The following SEPTIN11 variants were observed in gnomAD, a reference collection of about 807,000 sequenced individuals.
SEPTIN11 encodes septin 11.
A neutral mutation model predicts 51.4 loss-of-function variants in SEPTIN11; 25 were observed. The ratio of observed to expected loss-of-function variants is 0.49; its 90% confidence interval spans 0.35 to 0.68. SEPTIN11 has a LOEUF of 0.68. Among genes scored for constraint, SEPTIN11 ranks in the 30% least tolerant of loss-of-function variants. The pLI is 0.00. For synonymous variants in SEPTIN11, 174 were observed against 184.1 expected (o/e 0.95, Z 0.44); for missense variants, 381 against 520.8 (o/e 0.73, Z 2.61).
Position 76,996,447 on chromosome 4 carries a change from C to G in SEPTIN11, c.50C>G (p.Ser17Cys), listed in dbSNP as rs572347228. 29 of 1,614,084 alleles carry G rather than the reference C, an allele frequency of 1.8e-5. No homozygotes were observed. In the East Asian group the frequency reaches 2.5e-4, roughly 14 times the overall value. Reference protein sequence around the residue: ...RPSNEELRNLSLSGHVGFDSL... With the variant: ...RPSNEELRNLCLSGHVGFDSL... ...CAGAATGAAGAGCTTCGAAACTTGT[C>G]TTTGTCTGGCCATGTGGGATTTGAC... Residue 17 changes from serine to cysteine, a missense_variant, in exon 2 of 10, where the codon TCT becomes TGT. Coordinates refer to ENST00000264893, the MANE Select transcript of SEPTIN11 (RefSeq NM_018243.4).
chr4:77,016,655 T>TATACAC (rs1553975019), intron 5 of SEPTIN11, among the ~76,000 whole-genome samples: 1 of 109,040 alleles, frequency 9.2e-6, no homozygotes, highest in African/African-American at 3.3e-5. Flanking sequence ...TATATATATA[T>TATACAC]ACACATATAT....
intron 1 of SEPTIN11, among the ~76,000 whole-genome samples, chr4:76,961,442 C>CT (rs1180226226): frequency 1.3e-5 from 2 of 152,156 alleles, no homozygotes; most frequent in East Asian, 3.9e-4. Context: ...ATTCCACATG[C>CT]TTTTGACTGG....
At chr4:76,971,311 G>T (rs1247964560) in intron 1 of SEPTIN11, among the ~76,000 whole-genome samples, 3 of 152,116 alleles carry the variant, frequency 2.0e-5, no homozygotes, top group Non-Finnish European at 4.4e-5. Flanking sequence ...AAAGATAGAG[G>T]CTCAGAAGTA....
chr4:76,993,657 A>T (rs872563), intron 1 of SEPTIN11, among the ~76,000 whole-genome samples: 79,284 of 151,894 alleles, frequency 0.52, 21,615 homozygotes, highest in Middle Eastern at 0.62. Context: ...TTCCCCCATC[A>T]CATACTGATG....
At chr4:76,971,262 A>C (rs1722228518) in intron 1 of SEPTIN11, among the ~76,000 whole-genome samples, 1 of 152,224 alleles carries the variant, frequency 6.6e-6, no homozygotes, top group Admixed American at 6.5e-5. Flanking sequence ...TTAATATATC[A>C]AACCTATGAG....
chr4:77,035,682 T>A lies in SEPTIN11; in HGVS notation c.*1170T>A, dbSNP rs777312155. 9 of 985,852 alleles carry A rather than the reference T, an allele frequency of 9.1e-6. No individual in the cohort carries two copies. Among genetic ancestry groups the A allele is most frequent in the Non-Finnish European group, 1.1e-5 (9 of 829,936 alleles). The allele number at this position is 985,852 out of a possible 1,614,324, so 61.1% of individuals were successfully genotyped here. ...GAACAGCTGAAGTCTCAAATCATTG[T>A]CTGGAATTTTCCTCACCTTGGCTAG... On this transcript the variant is annotated 3_prime_UTR_variant, in exon 10 of 10. Coordinates refer to ENST00000264893, the MANE Select transcript of SEPTIN11 (RefSeq NM_018243.4).
intron 1 of SEPTIN11, among the ~76,000 whole-genome samples, chr4:76,983,232 T>C (rs900608036): frequency 2.0e-5 from 3 of 152,210 alleles, no homozygotes; most frequent in African/African-American, 7.2e-5. Context: ...GACCAGACTG[T>C]TCCTGAAGAA....
intron 2 of SEPTIN11, among the ~76,000 whole-genome samples, chr4:76,997,862 A>C (rs1291002348): frequency 6.6e-6 from 1 of 152,136 alleles, no homozygotes; most frequent in Non-Finnish European, 1.5e-5. Flanking sequence ...ATCGCAGGCC[A>C]ATTACTATTC....
rs1553975095 is a variant in SEPTIN11 at position 77,016,639 on chromosome 4, T to TATATATATATACAC, written c.687+1633_687+1634insCACATATATATATA. 2.1e-4 allele frequency among the ~76,000 whole-genome samples: 23 copies of TATATATATATACAC among 110,898 alleles called. 1 individual carries two copies. The highest frequency in any genetic ancestry group is 3.9e-4 in the Admixed American group (4 of 10,230). 72.8% of individuals were successfully genotyped at this position (110,898 alleles called of 152,430 possible). A position where few individuals can be genotyped will look rare whatever the true frequency, so the allele number is the denominator to read the frequency against. ...ACATATATATATATATACACATATA[T>TATATATATATACAC]ATATATATATATATATACACATATA... On this transcript the variant is annotated intron_variant, in intron 5 of 9. Transcript: ENST00000264893.
rs549662723 is a variant in SEPTIN11, at chr4:77,023,200, TC to T, written c.953+2534del. Among the ~76,000 whole-genome samples, 1,137 of 150,910 alleles carry T rather than the reference TC, an allele frequency of 7.5e-3. 16 individuals carry two copies. The highest frequency in any genetic ancestry group is 0.026 in the African/African-American group (1,076 of 41,066). ...TTAGAGAGCATGCTTTATCCATGTC[TC>T]CCCTCCCCACTTGGATCCATTTCCC... On this transcript the variant is annotated intron_variant, in intron 7 of 9. Coordinates refer to ENST00000264893, the MANE Select transcript of SEPTIN11 (RefSeq NM_018243.4).
chr4:77,026,989 G>T (rs1348202328), intron 7 of SEPTIN11, among the ~76,000 whole-genome samples: 1 of 152,114 alleles, frequency 6.6e-6, no homozygotes, highest in Non-Finnish European at 1.5e-5. Flanking sequence ...TATCTTATAA[G>T]ATAATGTGAA....
In SEPTIN11 at chr4:76,985,882, G is replaced by A. The variant is rs567235725; in HGVS notation, c.28-10543G>A. On this transcript the variant is annotated intron_variant, in intron 1 of 9. Transcript: ENST00000264893. ...CAAATTTTGGTGAAGTCGAATGAGG[G>A]CAGCGTTAAGAGAAATATCAAAGTT... Among the ~76,000 whole-genome samples the A allele has an allele frequency of 1.3e-3, 195 of 152,306 alleles. 1 individual carries two copies. Among genetic ancestry groups the A allele is most frequent in the African/African-American group, 4.5e-3 (188 of 41,570 alleles).
At chr4:76,956,962 A>ATGTGTGTGTGTGTGTGTG (rs202035045) in intron 1 of SEPTIN11, among the ~76,000 whole-genome samples, 1,194 of 118,962 alleles carry the variant, frequency 0.01, 14 homozygotes, top group African/African-American at 0.013. Context: ...TAGTAGAATG[A>ATGTGTGTGTGTGTGTGTG]TGTGTGTGTG....
chr4:77,002,783 A>T (rs1724205858), intron 2 of SEPTIN11, among the ~76,000 whole-genome samples: 1 of 151,212 alleles, frequency 6.6e-6, no homozygotes, highest in Admixed American at 6.6e-5. Flanking sequence ...TTTTTGTAAG[A>T]CTATTCAGGA....
intron 1 of SEPTIN11, among the ~76,000 whole-genome samples, chr4:76,985,494 A>C (rs1722979041): frequency 6.6e-6 from 1 of 152,130 alleles, no homozygotes; most frequent in South Asian, 2.1e-4. Context: ...CATATGAGAA[A>C]TTTAATTTCT....
intron 1 of SEPTIN11, among the ~76,000 whole-genome samples, chr4:76,995,312 G>A (rs896351609): frequency 1.3e-5 from 2 of 152,044 alleles, no homozygotes; most frequent in Non-Finnish European, 2.9e-5. Context: ...AACCTAGGAG[G>A]CAGAGGTTGC....
intron 3 of SEPTIN11, among the ~76,000 whole-genome samples, chr4:77,008,957 G>A (rs900395255): frequency 3.3e-5 from 5 of 152,240 alleles, no homozygotes; most frequent in Non-Finnish European, 5.9e-5. Context: ...AAGTGGAAAG[G>A]ATTTGGAGGA....
chr4:77,034,719 C>T lies in SEPTIN11; in HGVS notation c.*207C>T. The T allele has an allele frequency of 7.9e-7, 1 of 1,265,738 alleles. No homozygotes were observed. The allele number at this position is 1,265,738 out of a possible 1,614,324, so 78.4% of individuals were successfully genotyped here. On this transcript the variant is annotated 3_prime_UTR_variant, in exon 10 of 10. Transcript: ENST00000264893. ...AGGGAATAACCGCGAATGCTCTGTGCAGCTGGACTCTGTTTCCGGAAAGTA... is the reference window on the plus strand; with the variant it reads ...AGGGAATAACCGCGAATGCTCTGTGTAGCTGGACTCTGTTTCCGGAAAGTA...
intron 1 of SEPTIN11, among the ~76,000 whole-genome samples, chr4:76,962,653 C>G (rs901855142): frequency 2.6e-5 from 4 of 152,098 alleles, no homozygotes; most frequent in Admixed American, 2.6e-4. Context: ...TTTCCTGATA[C>G]TAGCTTTAGA....
Sources: allele counts gnomAD v4.1 joint callset (sites outside exome capture counted in the v4.1 genomes callset), GRCh38; gene constraint gnomAD v4.1.1; transcripts MANE v1.5; gene names NCBI Gene and HGNC (gene_info 2026-07-23, HGNC 2026-07-21).